Variants in CALCR observed in about 807,000 individuals in gnomAD.
The protein encoded by CALCR is calcitonin receptor.
A neutral mutation model predicts 59.5 loss-of-function variants in CALCR; 47 were observed. The ratio of observed to expected loss-of-function variants is 0.79; its 90% CI spans 0.63 to 1.01. The LOEUF (loss-of-function observed/expected upper bound fraction) is 1.01. Among genes scored for constraint, CALCR ranks in the 50% least tolerant of loss-of-function variants. The pLI, the probability that CALCR is intolerant of heterozygous loss-of-function variation, is 0.00. For synonymous variants in CALCR, 213 were observed against 211.3 expected (o/e 1.01, Z -0.07); for missense variants, 566 against 597.1 (o/e 0.95, Z 0.54).
At chr7:93,498,885 C>T (rs1273883058) in intron 2 of CALCR, among the ~76,000 whole-genome samples, 3 of 151,562 alleles carry the variant, frequency 2.0e-5, no homozygotes, top group Non-Finnish European at 4.4e-5. Context: ...TTTTCAACTT[C>T]TGTTAAGATC....
rs1454250057 is a variant in CALCR, at chr7:93,425,741, C to A, written c.*615G>T. The A allele has an allele frequency of 2.0e-5, 3 of 152,104 alleles. No homozygotes were observed. Among genetic ancestry groups the A allele is most frequent in the Non-Finnish European group, 2.9e-5 (2 of 67,994 alleles). The allele number at this position is 152,104 out of a possible 1,614,324, so 9.4% of individuals were successfully genotyped here. On this transcript the variant is annotated 3_prime_UTR_variant, in exon 14 of 14. Coordinates refer to ENST00000426151, the MANE Select transcript of CALCR (RefSeq NM_001742.4). ...TTTTCAGCAAATTGACTCTAAATTT[C>A]TTTTGCATTCAAAGCATACATCTTC... is the stretch of plus-strand genomic sequence containing the variant.
At chr7:93,454,350 A>C (rs1234307240) in intron 8 of CALCR, among the ~76,000 whole-genome samples, 2 of 152,030 alleles carry the variant, frequency 1.3e-5, no homozygotes, top group African/African-American at 4.8e-5. Flanking sequence ...CAGAACTTGG[A>C]ACTCATTTGA....
intron 3 of CALCR, chr7:93,482,729 C>T (rs375209961): frequency 3.1e-4 from 163 of 530,236 alleles, no homozygotes; most frequent in Non-Finnish European, 4.0e-4. Context: ...AATCTGTATA[C>T]GAGTAGTTAT....
intron 6 of CALCR, among the ~76,000 whole-genome samples, chr7:93,469,570 G>GTCTC (rs572763198): frequency 3.1e-4 from 46 of 150,146 alleles, no homozygotes; most frequent in Admixed American, 3.0e-3. Flanking sequence ...TGTGTTTCTG[G>GTCTC]TCTCTCTCTC....
At chr7:93,451,489 A>G (rs914655581) in intron 8 of CALCR, among the ~76,000 whole-genome samples, 2 of 152,002 alleles carry the variant, frequency 1.3e-5, no homozygotes, top group Non-Finnish European at 2.9e-5. Flanking sequence ...TTTTGTCTGA[A>G]TCAAATATAC....
intron 2 of CALCR, among the ~76,000 whole-genome samples, chr7:93,535,284 T>C (rs1788956230): frequency 6.6e-6 from 1 of 151,670 alleles, no homozygotes; most frequent in African/African-American, 2.4e-5. Flanking sequence ...ACATAGGTAA[T>C]TACACAACTG....
intron 2 of CALCR, among the ~76,000 whole-genome samples, chr7:93,558,917 A>G (rs1029560307): frequency 6.6e-6 from 1 of 152,008 alleles, no homozygotes; most frequent in African/African-American, 2.4e-5. Context: ...TGAATCAGAA[A>G]CTCTGGGAGT....
chr7:93,489,441 C>G (rs931190789), intron 2 of CALCR, among the ~76,000 whole-genome samples: 2 of 150,606 alleles, frequency 1.3e-5, no homozygotes, highest in Non-Finnish European at 3.0e-5. Context: ...ACATAGAAAC[C>G]CAAAAAACCC....
intron 2 of CALCR, among the ~76,000 whole-genome samples, chr7:93,531,842 A>G (rs1384984187): frequency 6.6e-6 from 1 of 152,088 alleles, no homozygotes; most frequent in African/African-American, 2.4e-5. Context: ...TGCAGCAACT[A>G]AAATTTTAAT....
At chr7:93,481,230 G>A (rs754467923) in intron 3 of CALCR, among the ~76,000 whole-genome samples, 1 of 151,800 alleles carries the variant, frequency 6.6e-6, no homozygotes, top group African/African-American at 2.4e-5. Flanking sequence ...ATATGATAAA[G>A]ATGTTTTGTA....
At chr7:93,464,261 C>G (rs558922197) in intron 7 of CALCR, among the ~76,000 whole-genome samples, 38 of 152,024 alleles carry the variant, frequency 2.5e-4, no homozygotes, top group African/African-American at 8.7e-4. Flanking sequence ...GGGTGAGAAA[C>G]AGCAGTATTT....
intron 2 of CALCR, among the ~76,000 whole-genome samples, chr7:93,510,181 T>C (rs1801514731): frequency 1.3e-5 from 2 of 152,120 alleles, no homozygotes; most frequent in African/African-American, 4.8e-5. Flanking sequence ...ATTACTTACA[T>C]TGATTATATA....
intron 2 of CALCR, among the ~76,000 whole-genome samples, chr7:93,517,005 A>T (rs904957584): frequency 6.6e-6 from 1 of 151,872 alleles, no homozygotes; most frequent in Non-Finnish European, 1.5e-5. Context: ...CTTTTTGCAC[A>T]TTAGAACCAT....
chr7:93,464,427 TCATA>T (rs1800400499), intron 7 of CALCR, among the ~76,000 whole-genome samples: 3 of 151,998 alleles, frequency 2.0e-5, no homozygotes, highest in Admixed American at 2.0e-4. Flanking sequence ...CAAGCCCAAG[TCATA>T]TCTTCTAGTG....
At chr7:93,530,816 T>C (rs1196339756) in intron 2 of CALCR, among the ~76,000 whole-genome samples, 2 of 152,138 alleles carry the variant, frequency 1.3e-5, no homozygotes, top group South Asian at 2.1e-4. Flanking sequence ...GAAAATCCAA[T>C]CCTAGCAGGA....
chr7:93,479,052 T>A (rs1800734188), intron 4 of CALCR, among the ~76,000 whole-genome samples: 1 of 151,856 alleles, frequency 6.6e-6, no homozygotes, highest in Non-Finnish European at 1.5e-5. Context: ...CCCTTTCCTG[T>A]CATTTTGTAC....
At chr7:93,548,600 T>C (rs891433644) in intron 2 of CALCR, among the ~76,000 whole-genome samples, 1 of 151,806 alleles carries the variant, frequency 6.6e-6, no homozygotes, top group Non-Finnish European at 1.5e-5. Context: ...GTGAGGGTGA[T>C]AGTTGTGTAC....
chr7:93,434,261 T>G lies in CALCR; in HGVS notation c.1183A>C (p.Asn395His). Residue 395 changes from asparagine (N) to histidine (H), a missense_variant, in exon 13 of 14, where the codon AAC becomes CAC. Coordinates refer to ENST00000426151, the MANE Select transcript of CALCR (RefSeq NM_001742.4). Reference protein sequence around the residue: ...FFVATIYCFCNNEVQTTVKRQ... With the variant: ...FFVATIYCFCHNEVQTTVKRQ... ...ATGAAATGCATGCTTACCTCATTGT[T>G]GCAGAAGCAGTAGATGGTCGCAACA... 6.2e-7 allele frequency: 1 copy of G among 1,610,604 alleles called. No homozygotes were observed.
At chr7:93,561,513 G>A (rs547509902) in intron 2 of CALCR, among the ~76,000 whole-genome samples, 1 of 151,676 alleles carries the variant, frequency 6.6e-6, no homozygotes, top group East Asian at 1.9e-4. Context: ...GGGGACATAG[G>A]GTTAAGAAAT....
Sources: gnomAD v4.1 joint callset for allele counts (sites outside exome capture counted in the v4.1 genomes callset) on GRCh38, gnomAD v4.1.1 for gene constraint, MANE v1.5 for transcripts, NCBI Gene and HGNC (gene_info 2026-07-23, HGNC 2026-07-21) for gene names.